The following DLGAP4 variants were observed in gnomAD, a reference collection of about 807,000 sequenced individuals.
The protein encoded by DLGAP4 is DLG associated protein 4.
A neutral mutation model predicts 86.9 loss-of-function variants in DLGAP4; 18 were observed. That is an observed-to-expected ratio of 0.21 (90% confidence interval 0.14 to 0.31). DLGAP4 has a LOEUF of 0.31. DLGAP4 is among the 10% of genes least tolerant of loss of function. DLGAP4 has a pLI of 1.00. For synonymous variants in DLGAP4, 548 were observed against 574.3 expected (o/e 0.95, Z 0.65); for missense variants, 1,085 against 1,362.6 (o/e 0.80, Z 3.21).
rs1027465222 is a variant in DLGAP4 at position 36,385,192 on chromosome 20, G to A, written c.-73+17917G>A. Among the ~76,000 whole-genome samples the A allele has an allele frequency of 7.2e-5, 11 of 152,202 alleles. No individual in the cohort carries two copies. In the South Asian group the frequency reaches 1.9e-3, roughly 26 times the overall value. ...AGCCCCACGAAGATGAGGAAATACT[G>A]TTGTGTCACAAACAGGGGCTGTGTG... On this transcript the variant is annotated intron_variant, in intron 2 of 12. Transcript: ENST00000339266.
intron 1 of DLGAP4, among the ~76,000 whole-genome samples, chr20:36,311,248 C>T (rs2065050929): frequency 6.6e-6 from 1 of 152,062 alleles, no homozygotes; most frequent in Non-Finnish European, 1.5e-5. Context: ...GGGGTGGACC[C>T]TCAGCCGAGG....
At chr20:36,436,782 C>T (rs2033295665) in intron 4 of DLGAP4, among the ~76,000 whole-genome samples, 1 of 151,278 alleles carries the variant, frequency 6.6e-6, no homozygotes, top group Admixed American at 6.6e-5. Context: ...CGCCACTGCA[C>T]TCCAGCCTGG....
chr20:36,526,544 T>G (rs1319564602), intron 12 of DLGAP4, among the ~76,000 whole-genome samples: 2 of 151,970 alleles, frequency 1.3e-5, no homozygotes, highest in African/African-American at 4.8e-5. Context: ...TCCCGGTGAT[T>G]CAACATGAGG....
rs2037821562 is a variant in DLGAP4, at chr20:36,527,138, A to G, written c.*107A>G. 8.2e-7 allele frequency: 1 copy of G among 1,217,506 alleles called. No homozygotes were observed. The highest frequency in any genetic ancestry group is 1.1e-6 in the Non-Finnish European group (1 of 904,152). The allele number at this position is 1,217,506 out of a possible 1,614,324, so 75.4% of individuals were successfully genotyped here. A position where few individuals can be genotyped will look rare whatever the true frequency, so the allele number is the denominator to read the frequency against. On this transcript the variant is annotated 3_prime_UTR_variant, in exon 13 of 13. Transcript: ENST00000339266. ...TTTGCTATGGTTATTCTGTCTAGAG[A>G]CCCTGAGCCAACTTTCAAATTGACG...
At chr20:36,437,536 G>A (rs922846854) in intron 4 of DLGAP4, among the ~76,000 whole-genome samples, 3 of 152,228 alleles carry the variant, frequency 2.0e-5, no homozygotes, top group Non-Finnish European at 2.9e-5. Context: ...GGGGGAGGGA[G>A]GTGAATCCAG....
intron 1 of DLGAP4, among the ~76,000 whole-genome samples, chr20:36,351,149 G>A (rs548399170): frequency 2.5e-4 from 38 of 152,356 alleles, no homozygotes; most frequent in African/African-American, 8.2e-4. Context: ...AGAGGAGGGA[G>A]TGGCACCCAC....
At chr20:36,520,864 CCTCT>C (rs914910590) in intron 10 of DLGAP4, among the ~76,000 whole-genome samples, 2 of 151,456 alleles carry the variant, frequency 1.3e-5, no homozygotes, top group Non-Finnish European at 2.9e-5. Context: ...ACAGAGTCTC[CCTCT>C]GTTACCCAGG....
intron 2 of DLGAP4, among the ~76,000 whole-genome samples, chr20:36,417,673 C>T (rs918218921): frequency 3.9e-5 from 6 of 151,934 alleles, no homozygotes; most frequent in Middle Eastern, 3.2e-3. Context: ...CATGAGTCTC[C>T]GTGCCCGGCC....
intron 1 of DLGAP4, among the ~76,000 whole-genome samples, chr20:36,356,293 T>C (rs1247367547): frequency 6.6e-6 from 1 of 150,924 alleles, no homozygotes; most frequent in Non-Finnish European, 1.5e-5. Flanking sequence ...GATGGTTTCA[T>C]TGTTTTTGTT....
chr20:36,341,185 C>A (rs1467808435), intron 1 of DLGAP4, among the ~76,000 whole-genome samples: 1 of 152,216 alleles, frequency 6.6e-6, no homozygotes, highest in African/African-American at 2.4e-5. Context: ...AGGACCTCGG[C>A]CCGGCCATCT....
chr20:36,516,542 T>G (rs1216198352), intron 10 of DLGAP4, among the ~76,000 whole-genome samples: 1 of 151,846 alleles, frequency 6.6e-6, no homozygotes, highest in African/African-American at 2.4e-5. Context: ...GGCGTGCACC[T>G]GTAATCCCAG....
At chr20:36,371,289 G>A (rs955667007) in intron 2 of DLGAP4, among the ~76,000 whole-genome samples, 23 of 152,170 alleles carry the variant, frequency 1.5e-4, no homozygotes, top group African/African-American at 1.2e-4. Context: ...TCATTCATGC[G>A]TTCCAAGGAC....
chr20:36,408,844 G>A (rs1213931273), intron 2 of DLGAP4, among the ~76,000 whole-genome samples: 3 of 152,198 alleles, frequency 2.0e-5, no homozygotes, highest in African/African-American at 4.8e-5. Flanking sequence ...GAAAAAGGAC[G>A]TTAATGGAAA....
chr20:36,333,504 C>G (rs782423633), intron 1 of DLGAP4, among the ~76,000 whole-genome samples: 12 of 152,170 alleles, frequency 7.9e-5, no homozygotes, highest in Non-Finnish European at 2.9e-5. Context: ...CCCTGACTCC[C>G]TGGGTGGTCA....
intron 1 of DLGAP4, among the ~76,000 whole-genome samples, chr20:36,307,240 C>T (rs1190300673): frequency 2.0e-5 from 3 of 152,192 alleles, no homozygotes; most frequent in Non-Finnish European, 4.4e-5. Flanking sequence ...CGGCGCCCCG[C>T]GGAGACAGGG....
chr20:36,419,190 A>G (rs7268648), intron 2 of DLGAP4, among the ~76,000 whole-genome samples: 2,081 of 151,582 alleles, frequency 0.014, 48 homozygotes, highest in African/African-American at 0.048. Flanking sequence ...TGGCAAAATC[A>G]TGGCTCACTG....
intron 1 of DLGAP4, among the ~76,000 whole-genome samples, chr20:36,329,985 T>C (rs2065251210): frequency 2.1e-5 from 3 of 145,156 alleles, no homozygotes; most frequent in African/African-American, 7.8e-5. Context: ...AGCAAAGATC[T>C]CACACTCCAG....
intron 7 of DLGAP4, chr20:36,462,415 C>T: frequency 6.7e-7 from 1 of 1,485,632 alleles, no homozygotes; most frequent in African/African-American, 1.5e-5. Flanking sequence ...CGCTGAAGGC[C>T]CCCCTTTGAG....
At position 36,518,534 on chromosome 20, in the gene DLGAP4, A is replaced by G. The variant is rs183982375; in HGVS notation, c.2513-5716A>G. ...GAAGCCGATGCATTTCTCTTTAACT[A>G]CTACTTTAGCTGTATCTGACAAGAT... On this transcript the variant is annotated intron_variant, in intron 10 of 12. Transcript: ENST00000339266. Among the ~76,000 whole-genome samples the G allele has an allele frequency of 5.5e-3, 836 of 152,110 alleles. 5 individuals are homozygous for G. The highest frequency in any genetic ancestry group is 0.018 in the African/African-American group (742 of 41,498).
Sources: allele counts gnomAD v4.1 joint callset (sites outside exome capture counted in the v4.1 genomes callset), GRCh38; gene constraint gnomAD v4.1.1; transcripts MANE v1.5; gene names NCBI Gene and HGNC (gene_info 2026-07-23, HGNC 2026-07-21).